DNAJC24: variants seen among roughly 807,000 people sequenced by gnomAD.
DNAJC24 encodes dnaJ homolog subfamily C member 24.
DNAJC24 carries 17 observed loss-of-function variants against 18.0 expected under a neutral mutation model. That is an observed-to-expected ratio of 0.94 (90% CI 0.65 to 1.42). The LOEUF is 1.42. Among genes scored for constraint, DNAJC24 ranks in the 40% most tolerant of loss-of-function variants. The probability of loss-of-function intolerance (pLI) is 0.00; values close to 1 mark genes in which losing one functional copy is unlikely to be tolerated. For synonymous variants in DNAJC24, 55 were observed against 57.7 expected, an observed-to-expected ratio of 0.95 and a Z score of 0.21; for missense variants, 158 against 175.6, an observed-to-expected ratio of 0.90 and a Z score of 0.57.
At chr11:31,381,332 T>C (rs1182086239) in intron 2 of DNAJC24, among the ~76,000 whole-genome samples, 1 of 152,190 alleles carries the variant, frequency 6.6e-6, no homozygotes, top group Non-Finnish European at 1.5e-5. Flanking sequence ...AATTATTTTC[T>C]GTGTCACAAA....
chr11:31,426,158 T>TC, intron 3 of DNAJC24, 129 bp from the exon 4 acceptor site: 1 of 589,048 alleles, frequency 1.7e-6, no homozygotes, highest in Non-Finnish European at 2.9e-6. Context: ...AAAATACTAG[T>TC]CTAAGTTTTT....
chr11:31,413,407 T>C lies in DNAJC24; in HGVS notation c.112-1404T>C, dbSNP rs371321867. 5.4e-5 allele frequency among the ~76,000 whole-genome samples: 8 copies of C among 148,214 alleles called. No individual in the cohort carries two copies. In the East Asian group the frequency reaches 8.2e-4, roughly 15 times the overall value. On this transcript the variant is annotated intron_variant, in intron 2 of 4. Transcript: ENST00000465995. Reference sequence around the variant, plus strand: ...GTGCAGTGGTGCAATCTCAGCTCACTGCAAGCTCTGCCTCCCGGGTTCACG... The same window carrying C: ...GTGCAGTGGTGCAATCTCAGCTCACCGCAAGCTCTGCCTCCCGGGTTCACG...
intron 2 of DNAJC24, among the ~76,000 whole-genome samples, chr11:31,372,219 A>C (rs1952272018): frequency 6.6e-6 from 1 of 150,912 alleles, no homozygotes. Context: ...TTCTTAAGCC[A>C]ATGTCTGTAA....
At chr11:31,394,685 T>C (rs1353056068) in intron 2 of DNAJC24, among the ~76,000 whole-genome samples, 1 of 151,848 alleles carries the variant, frequency 6.6e-6, no homozygotes, top group East Asian at 1.9e-4. Flanking sequence ...ATCTATGAAA[T>C]ACAGCTAAAA....
chr11:31,390,769 C>T (rs1006503839), intron 2 of DNAJC24, among the ~76,000 whole-genome samples: 4 of 150,830 alleles, frequency 2.7e-5, no homozygotes, highest in Non-Finnish European at 4.4e-5. Context: ...AATGGATTCA[C>T]TGCCGAATTC....
At chr11:31,394,622 CAAAAG>C (rs1952528021) in intron 2 of DNAJC24, among the ~76,000 whole-genome samples, 3 of 150,664 alleles carry the variant, frequency 2.0e-5, no homozygotes, top group South Asian at 4.2e-4. Context: ...ACTCTTGACT[CAAAAG>C]AAAAATATAA....
At chr11:31,417,528 C>G (rs1952761752) in intron 3 of DNAJC24, among the ~76,000 whole-genome samples, 1 of 151,914 alleles carries the variant, frequency 6.6e-6, no homozygotes, top group African/African-American at 2.4e-5. Flanking sequence ...TTGTTATAAC[C>G]AGGTCAAAGC....
rs538462815 is a variant in DNAJC24, at chr11:31,371,756, A to G, written c.111+897A>G. ...ATATGTAGCCGGCATTTATACTTAC[A>G]TTATATTTCTATTGGGTAATGCTGA... On this transcript the variant is annotated intron_variant, in intron 2 of 4. Coordinates refer to ENST00000465995, the MANE Select transcript of DNAJC24 (RefSeq NM_181706.5). Among the ~76,000 whole-genome samples the G allele has an allele frequency of 2.2e-3, 321 of 148,250 alleles. 1 individual carries two copies. Among genetic ancestry groups the G allele is most frequent in the Non-Finnish European group, 3.8e-3 (254 of 67,330 alleles).
chr11:31,385,397 T>C (rs909080925), intron 2 of DNAJC24, among the ~76,000 whole-genome samples: 6 of 152,214 alleles, frequency 3.9e-5, no homozygotes, highest in East Asian at 1.9e-4. Flanking sequence ...TGCCATCTTA[T>C]GCATGTACTA....
intron 2 of DNAJC24, among the ~76,000 whole-genome samples, chr11:31,390,137 C>T (rs1338967121): frequency 2.0e-5 from 3 of 152,084 alleles, no homozygotes; most frequent in Admixed American, 6.6e-5. Flanking sequence ...CAGTGGCTCA[C>T]GCCTGTAATC....
chr11:31,403,351 C>T (rs1204204523), intron 2 of DNAJC24, among the ~76,000 whole-genome samples: 1 of 152,106 alleles, frequency 6.6e-6, no homozygotes, highest in Non-Finnish European at 1.5e-5. Flanking sequence ...AAGACCCAAC[C>T]TCCTCTATGG....
intron 4 of DNAJC24, among the ~76,000 whole-genome samples, chr11:31,428,154 T>G (rs913074661): frequency 6.6e-6 from 1 of 151,936 alleles, no homozygotes; most frequent in Non-Finnish European, 1.5e-5. Context: ...GAAGGAAATA[T>G]ACAACAAAAA....
intron 2 of DNAJC24, among the ~76,000 whole-genome samples, chr11:31,397,782 A>G (rs1023964250): frequency 2.0e-5 from 3 of 152,168 alleles, no homozygotes; most frequent in African/African-American, 7.2e-5. Flanking sequence ...ATGAAAATCA[A>G]AAATTATCTC....
At chr11:31,389,583 T>G (rs533158931) in intron 2 of DNAJC24, among the ~76,000 whole-genome samples, 25 of 152,272 alleles carry the variant, frequency 1.6e-4, no homozygotes, top group African/African-American at 6.0e-4. Flanking sequence ...ACATCCCACT[T>G]TCATCATTGG....
At chr11:31,401,132 A>G (rs181114811) in intron 2 of DNAJC24, among the ~76,000 whole-genome samples, 526 of 152,344 alleles carry the variant, frequency 3.5e-3, no homozygotes, top group Non-Finnish European at 6.3e-3. Context: ...AAAAAAGCTC[A>G]TCATCACTGG....
At chr11:31,411,372 T>A (rs1168164601) in intron 2 of DNAJC24, among the ~76,000 whole-genome samples, 1 of 152,208 alleles carries the variant, frequency 6.6e-6, no homozygotes, top group East Asian at 1.9e-4. Flanking sequence ...TTGGACTGGG[T>A]TTTAATTTCT....
intron 2 of DNAJC24, among the ~76,000 whole-genome samples, chr11:31,381,803 C>G (rs1952379685): frequency 6.6e-6 from 1 of 152,034 alleles, no homozygotes; most frequent in African/African-American, 2.4e-5. Flanking sequence ...TCTCGAACTC[C>G]TGACCTCAGA....
At chr11:31,415,733 C>T (rs536404447) in intron 3 of DNAJC24, 1 of 152,280 alleles carries the variant, frequency 6.6e-6, no homozygotes, top group East Asian at 1.9e-4. Context: ...CAGTCGCTCT[C>T]TCCAATAGCA....
rs1952919308 is a variant in DNAJC24 at position 31,431,151 on chromosome 11, C to T, written c.*750C>T. On this transcript the variant is annotated 3_prime_UTR_variant, in exon 5 of 5. Transcript: ENST00000465995. Reference sequence around the variant, plus strand: ...TCTCCAGCCTCAGCCTCCCGAATAGCTGGGATTACACGTGCCCACCACCAT... The same window carrying T: ...TCTCCAGCCTCAGCCTCCCGAATAGTTGGGATTACACGTGCCCACCACCAT... The T allele has an allele frequency of 6.6e-6, 1 of 152,162 alleles. No individual in the cohort carries two copies. Among genetic ancestry groups the T allele is most frequent in the African/African-American group, 2.4e-5 (1 of 41,424 alleles). 9.4% of individuals were successfully genotyped at this position (152,162 alleles called of 1,614,324 possible).
Sources: allele counts gnomAD v4.1 joint callset (sites outside exome capture counted in the v4.1 genomes callset), GRCh38; gene constraint gnomAD v4.1.1; transcripts MANE v1.5; gene names NCBI Gene and HGNC (gene_info 2026-07-23, HGNC 2026-07-21).